Variants in LRP1B observed in about 807,000 individuals in gnomAD.
The protein encoded by LRP1B is low-density lipoprotein receptor-related protein 1B.
Under a neutral mutation model 556.6 loss-of-function variants are expected in LRP1B, and 217 were observed. The observed-to-expected ratio is 0.39, with a 90% CI of 0.35 to 0.44. LRP1B has a LOEUF of 0.44. Ranked by LOEUF, LRP1B falls within the 20% of genes least tolerant of loss-of-function variation. LRP1B has a pLI of 1.00. For missense variants in LRP1B, 5,053 were observed against 5,620.8 expected, an observed-to-expected ratio of 0.90 and a Z score of 3.23; for synonymous variants, 2,047 against 1,865.8, an observed-to-expected ratio of 1.10 and a Z score of -2.50.
intron 35 of LRP1B, among the ~76,000 whole-genome samples, chr2:140,764,600 C>G (rs1280939481): frequency 6.6e-6 from 1 of 152,108 alleles, no homozygotes. Flanking sequence ...GATATTTTGT[C>G]ACATATACTC....
chr2:140,426,693 T>C (rs1357853658), intron 66 of LRP1B, among the ~76,000 whole-genome samples: 3 of 152,142 alleles, frequency 2.0e-5, no homozygotes, highest in African/African-American at 7.2e-5. Flanking sequence ...ACCCATATCT[T>C]CCTTCGCTGA....
chr2:140,428,636 C>T (rs989646080), intron 66 of LRP1B, among the ~76,000 whole-genome samples: 1 of 152,144 alleles, frequency 6.6e-6, no homozygotes, highest in Non-Finnish European at 1.5e-5. Flanking sequence ...GTCTCTGAAG[C>T]CCCCTAGACC....
intron 6 of LRP1B, among the ~76,000 whole-genome samples, chr2:141,225,086 C>T (rs1325425062): frequency 1.3e-5 from 2 of 152,028 alleles, no homozygotes; most frequent in Non-Finnish European, 2.9e-5. Flanking sequence ...TTAAAGTTGA[C>T]ATTAAAACAA....
At position 140,764,005 on chromosome 2, in the gene LRP1B, G is replaced by GA. The variant is rs201434131; in HGVS notation, c.5758+5207dup. On this transcript the variant is annotated intron_variant, in intron 35 of 90. Transcript: ENST00000389484. ...CCAAGAAAATGGTTTTCATAAAATC[G>GA]AAAAAATGTCCCAAAGCAACAATAT... is the stretch of plus-strand genomic sequence containing the variant. 5.3e-3 allele frequency among the ~76,000 whole-genome samples: 801 copies of GA among 152,106 alleles called. 6 individuals are homozygous for GA. The highest frequency in any genetic ancestry group is 0.024 in the Middle Eastern group (7 of 294).
At chr2:141,181,630 T>C (rs1288033002) in intron 7 of LRP1B, among the ~76,000 whole-genome samples, 1 of 151,904 alleles carries the variant, frequency 6.6e-6, no homozygotes, top group African/African-American at 2.4e-5. Context: ...ATGAATAATA[T>C]GAGTCAAAGA....
At chr2:141,150,879 G>GTGTGTGTGTA (rs1701906845) in intron 7 of LRP1B, among the ~76,000 whole-genome samples, 1 of 131,596 alleles carries the variant, frequency 7.6e-6, no homozygotes, top group African/African-American at 2.9e-5. Flanking sequence ...TTGTGTGTGT[G>GTGTGTGTGTA]TGTGTGTGTG....
chr2:141,165,145 G>T (rs541969398), intron 7 of LRP1B, among the ~76,000 whole-genome samples: 1 of 152,094 alleles, frequency 6.6e-6, no homozygotes, highest in Non-Finnish European at 1.5e-5. Flanking sequence ...TAGATTAAAA[G>T]TAGCCAGAGA....
In LRP1B at chr2:141,738,160, C is replaced by T. The variant is rs527544362; in HGVS notation, c.205+72119G>A. 5.9e-5 allele frequency among the ~76,000 whole-genome samples: 9 copies of T among 152,142 alleles called. No individual in the cohort carries two copies. The South Asian group carries it at 1.9e-3, about 32-fold the overall frequency. On this transcript the variant is annotated intron_variant, in intron 2 of 90. Transcript: ENST00000389484. ...ACACTCTGTACATATGAGAACATTA[C>T]AGATTTCTATAATATTAGCCCATAT... is the stretch of plus-strand genomic sequence containing the variant.
intron 86 of LRP1B, among the ~76,000 whole-genome samples, chr2:140,268,908 G>T (rs2104941246): frequency 6.6e-6 from 1 of 151,990 alleles, no homozygotes; most frequent in African/African-American, 2.4e-5. Context: ...ATCTGTGCTT[G>T]AAATCAAAAG....
chr2:140,866,480 G>GA (rs1692956768), intron 27 of LRP1B, among the ~76,000 whole-genome samples: 1 of 151,792 alleles, frequency 6.6e-6, no homozygotes. Flanking sequence ...AAGAGTAGAA[G>GA]AAAAAAATTA....
At position 140,323,916 on chromosome 2, in the gene LRP1B, G is replaced by A; in HGVS notation, c.12491C>T (p.Ser4164Phe). 1 of 1,561,696 alleles carries A rather than the reference G, an allele frequency of 6.4e-7. No individual in the cohort carries two copies. The highest frequency in any genetic ancestry group is 1.7e-5 in the Admixed American group (1 of 59,690). ...ACAATCTAGTTGTTTATAACGATGA[G>A]ATATCAAAACACCTTTTGTTTTATC... is the stretch of plus-strand genomic sequence containing the variant. Reference protein sequence around the residue: ...NIDKTKGVLISHRYKQLDLPN... With the variant: ...NIDKTKGVLIFHRYKQLDLPN... Residue 4164 changes from serine (S) to phenylalanine (F), a missense_variant, in exon 81 of 91, where the codon TCT becomes TTT. Around this residue, in one of 5 missense-constraint regions of LRP1B, gnomAD observed 551 missense variants for 592.0 expected, o/e 0.93. Transcript: ENST00000389484.
At chr2:140,305,793 C>T (rs1300494974) in intron 83 of LRP1B, among the ~76,000 whole-genome samples, 3 of 152,102 alleles carry the variant, frequency 2.0e-5, no homozygotes, top group African/African-American at 7.2e-5. Context: ...GTGGGTTTGT[C>T]ATAAATAGCT....
At chr2:141,401,336 CATGGTT>C (rs368511690) in intron 3 of LRP1B, among the ~76,000 whole-genome samples, 14 of 152,208 alleles carry the variant, frequency 9.2e-5, no homozygotes, top group African/African-American at 3.1e-4. Flanking sequence ...CTTTTACAAA[CATGGTT>C]ATGAAGTAGA....
intron 2 of LRP1B, among the ~76,000 whole-genome samples, chr2:141,590,267 T>G (rs2105293008): frequency 6.6e-6 from 1 of 152,324 alleles, no homozygotes; most frequent in East Asian, 1.9e-4. Context: ...ATGAAACATA[T>G]GAACTAAATT....
chr2:140,267,840 C>T (rs1396514953), intron 86 of LRP1B, among the ~76,000 whole-genome samples: 1 of 151,934 alleles, frequency 6.6e-6, no homozygotes, highest in African/African-American at 2.4e-5. Context: ...TTGCTCTAAA[C>T]TACCACAATT....
chr2:141,843,489 CGAGT>C (rs1697545636), intron 1 of LRP1B, among the ~76,000 whole-genome samples: 3 of 152,082 alleles, frequency 2.0e-5, no homozygotes. Flanking sequence ...AGTTGTGCCC[CGAGT>C]GAGAATATAA....
intron 1 of LRP1B, among the ~76,000 whole-genome samples, chr2:142,113,712 T>G (rs192181604): frequency 3.0e-4 from 46 of 152,206 alleles, no homozygotes; most frequent in Admixed American, 4.6e-4. Context: ...ACACTTGTTT[T>G]TATTCAAAGC....
At chr2:141,697,300 A>C (rs1473147123) in intron 2 of LRP1B, among the ~76,000 whole-genome samples, 2 of 151,954 alleles carry the variant, frequency 1.3e-5, no homozygotes, top group African/African-American at 4.8e-5. Context: ...CTATTAGCTA[A>C]TGGTTTATAA....
intron 43 of LRP1B, among the ~76,000 whole-genome samples, chr2:140,597,797 T>A (rs1308021113): frequency 6.6e-6 from 1 of 152,194 alleles, no homozygotes; most frequent in African/African-American, 2.4e-5. Context: ...ACACTGTAGT[T>A]GTGATAGAGA....
Sources: gnomAD v4.1 joint callset for allele counts (sites outside exome capture counted in the v4.1 genomes callset) on GRCh38, gnomAD v4.1.1 for gene constraint, gnomAD v4.1.1 regional missense constraint, MANE v1.5 for transcripts, NCBI Gene and HGNC (gene_info 2026-07-23, HGNC 2026-07-21) for gene names.